RIC1: variants seen among roughly 807,000 people sequenced by gnomAD.
The protein encoded by RIC1 is RIC1 partner of RAB6A GEF complex.
Under a neutral mutation model 169.0 loss-of-function variants are expected in RIC1, and 88 were observed. The observed-to-expected ratio is 0.52, with a 90% CI of 0.44 to 0.62. The LOEUF (loss-of-function observed/expected upper bound fraction) is 0.62, where lower values mean the gene tolerates loss of function less well. RIC1 is among the 20% of genes least tolerant of loss of function. The pLI, the probability that RIC1 is intolerant of heterozygous loss-of-function variation, is 0.00. For synonymous variants in RIC1, 790 were observed against 601.5 expected, an observed-to-expected ratio of 1.31 and a Z score of -4.59; for missense variants, 1,877 against 1,725.5, an observed-to-expected ratio of 1.09 and a Z score of -1.56.
chr9:5,770,992 A>G (rs1486586108), intron 23 of RIC1, among the ~76,000 whole-genome samples: 1 of 152,160 alleles, frequency 6.6e-6, no homozygotes, highest in Non-Finnish European at 1.5e-5. Flanking sequence ...ATGTTTGATT[A>G]TCAGTCTGTC....
intron 3 of RIC1, among the ~76,000 whole-genome samples, chr9:5,709,119 G>A (rs12686181): frequency 0.31 from 47,142 of 151,980 alleles, 8,241 homozygotes; most frequent in East Asian, 0.61. Flanking sequence ...CCAAGTGTTG[G>A]CTCTTAAATC....
In RIC1 at chr9:5,629,292, G is replaced by A. The variant is rs566267208; in HGVS notation, c.-18G>A. Reference sequence around the variant, plus strand: ...TGTGACGGACGCAACTGGGGGCGCCGGGGGCTCCGCACGGACCATGTATTT... The same window carrying A: ...TGTGACGGACGCAACTGGGGGCGCCAGGGGCTCCGCACGGACCATGTATTT... On this transcript the variant is annotated 5_prime_UTR_variant, in exon 1 of 26. Coordinates refer to ENST00000414202, the MANE Select transcript of RIC1 (RefSeq NM_020829.4). 77 of 1,464,992 alleles carry A rather than the reference G, an allele frequency of 5.3e-5. No homozygotes were observed. Among genetic ancestry groups the A allele is most frequent in the African/African-American group, 4.8e-4 (33 of 68,634 alleles). 90.7% of individuals were successfully genotyped at this position (1,464,992 alleles called of 1,614,324 possible). A position where few individuals can be genotyped will look rare whatever the true frequency, so the allele number is the denominator to read the frequency against.
intron 1 of RIC1, among the ~76,000 whole-genome samples, chr9:5,648,870 AGTT>A (rs1428398615): frequency 3.3e-5 from 5 of 152,086 alleles, no homozygotes; most frequent in African/African-American, 1.2e-4. Context: ...TTAACTGTTG[AGTT>A]GTTTGAGTTC....
rs567173177 is a variant in RIC1 at position 5,635,538 on chromosome 9, A to G, written c.144+6085A>G. On this transcript the variant is annotated intron_variant, in intron 1 of 25. Transcript: ENST00000414202. ...GGACTCCATTCTGTTGCATTGGTCTATGTATCTCTTTTTATGTCAGTACCA... is the reference window on the plus strand; with the variant it reads ...GGACTCCATTCTGTTGCATTGGTCTGTGTATCTCTTTTTATGTCAGTACCA... Among the ~76,000 whole-genome samples the G allele has an allele frequency of 3.3e-5, 5 of 152,126 alleles. No homozygotes were observed. The South Asian group carries it at 8.3e-4, about 25-fold the overall frequency.
At chr9:5,654,449 ATGT>A (rs1818972342) in intron 1 of RIC1, among the ~76,000 whole-genome samples, 2 of 152,058 alleles carry the variant, frequency 1.3e-5, no homozygotes, top group Non-Finnish European at 2.9e-5. Flanking sequence ...GGGTTTCACC[ATGT>A]TGGCGGGCTG....
intron 1 of RIC1, among the ~76,000 whole-genome samples, chr9:5,638,136 G>A (rs1818066310): frequency 6.6e-6 from 1 of 152,110 alleles, no homozygotes; most frequent in African/African-American, 2.4e-5. Context: ...CTGTTGATAT[G>A]ATGTATCACA....
intron 1 of RIC1, among the ~76,000 whole-genome samples, chr9:5,638,629 T>A (rs957343560): frequency 1.3e-5 from 2 of 152,244 alleles, no homozygotes; most frequent in Non-Finnish European, 2.9e-5. Flanking sequence ...GGCATATAGT[T>A]GCTCATAGTA....
intron 2 of RIC1, among the ~76,000 whole-genome samples, chr9:5,667,316 C>A (rs575741711): frequency 6.6e-6 from 1 of 151,988 alleles, no homozygotes; most frequent in African/African-American, 2.4e-5. Flanking sequence ...AGCAAGACTC[C>A]GTATCAGGAA....
intron 3 of RIC1, among the ~76,000 whole-genome samples, chr9:5,711,167 T>C (rs1248086562): frequency 6.6e-6 from 1 of 152,148 alleles, no homozygotes; most frequent in Non-Finnish European, 1.5e-5. Flanking sequence ...TCCTAGGTAC[T>C]TCAGAGGAAA....
At chr9:5,732,616 T>A in intron 7 of RIC1, 137 bp downstream of exon 7, 1 of 503,650 alleles carries the variant, frequency 2.0e-6, no homozygotes. Flanking sequence ...AACCTTAATA[T>A]GAAATGTAAA....
chr9:5,672,435 C>A (rs1188671205), intron 2 of RIC1, among the ~76,000 whole-genome samples: 1 of 152,010 alleles, frequency 6.6e-6, no homozygotes, highest in African/African-American at 2.4e-5. Context: ...TAAAAATTTC[C>A]TAAGAGAAAA....
chr9:5,715,844 G>C (rs568455221), intron 4 of RIC1, among the ~76,000 whole-genome samples: 146 of 94,284 alleles, frequency 1.5e-3, no homozygotes, highest in African/African-American at 5.8e-3. Context: ...CCACTCCTCC[G>C]ACAGGGTCTC....
At chr9:5,677,359 T>A (rs1274322865) in intron 2 of RIC1, among the ~76,000 whole-genome samples, 1 of 152,204 alleles carries the variant, frequency 6.6e-6, no homozygotes, top group Non-Finnish European at 1.5e-5. Context: ...CTTTTGCCCA[T>A]TTTTTTAGAT....
chr9:5,737,245 T>C (rs942975095), intron 7 of RIC1, among the ~76,000 whole-genome samples: 2 of 148,036 alleles, frequency 1.4e-5, no homozygotes, highest in African/African-American at 4.9e-5. Flanking sequence ...AGACGTATTA[T>C]AGAGATTTTA....
intron 3 of RIC1, among the ~76,000 whole-genome samples, chr9:5,696,714 T>A (rs1326246073): frequency 6.6e-6 from 1 of 152,206 alleles, no homozygotes; most frequent in Non-Finnish European, 1.5e-5. Flanking sequence ...ATCTCTTGAG[T>A]AAATAAATAC....
chr9:5,767,116 G>A (rs2131121019), intron 21 of RIC1, among the ~76,000 whole-genome samples: 1 of 152,338 alleles, frequency 6.6e-6, no homozygotes, highest in Admixed American at 6.5e-5. Flanking sequence ...AGGACCAAAA[G>A]GAAGATAGAT....
chr9:5,639,970 A>T (rs1217708545), intron 1 of RIC1, among the ~76,000 whole-genome samples: 3 of 152,024 alleles, frequency 2.0e-5, no homozygotes, highest in Non-Finnish European at 2.9e-5. Context: ...TTTGTATGTG[A>T]AGTGTGTTTC....
rs377357922 is a variant in RIC1, at chr9:5,684,034, G to T, written c.253-5925G>T. Among the ~76,000 whole-genome samples, 55 of 152,196 alleles carry T rather than the reference G, an allele frequency of 3.6e-4. 1 individual carries two copies. The South Asian group carries it at 9.2e-3, about 25-fold the overall frequency. ...GTGGGAGTGACTCGATTTTCCTGGT[G>T]CCGTCTGTCACCCCTTTCTTTGACT... On this transcript the variant is annotated intron_variant, in intron 2 of 25. Transcript: ENST00000414202.
At chr9:5,758,281 G>C (rs954816324) in intron 17 of RIC1, among the ~76,000 whole-genome samples, 7 of 152,150 alleles carry the variant, frequency 4.6e-5, no homozygotes, top group Non-Finnish European at 7.3e-5. Flanking sequence ...CTATTTCAGT[G>C]GTTTCTAAAC....
Sources: allele counts gnomAD v4.1 joint callset (sites outside exome capture counted in the v4.1 genomes callset), GRCh38; gene constraint gnomAD v4.1.1; transcripts MANE v1.5; gene names NCBI Gene and HGNC (gene_info 2026-07-23, HGNC 2026-07-21).